MED16: variants seen among roughly 807,000 people sequenced by gnomAD.
The protein encoded by MED16 is mediator complex subunit 16.
A neutral mutation model predicts 84.4 loss-of-function variants in MED16; 81 were observed. The ratio of observed to expected loss-of-function variants is 0.96; its 90% CI spans 0.80 to 1.15. MED16 has a LOEUF of 1.15. MED16 is among the 50% of genes most tolerant of loss of function. MED16 has a pLI of 0.00. For missense variants in MED16, 1,585 were observed against 1,245.9 expected, an observed-to-expected ratio of 1.27 and a Z score of -4.10; for synonymous variants, 897 against 552.2, an observed-to-expected ratio of 1.62 and a Z score of -8.76.
intron 1 of MED16, chr19:892,590 C>G (rs1175297344): frequency 6.6e-6 from 1 of 150,668 alleles, no homozygotes; most frequent in African/African-American, 2.5e-5. Context: ...TCCCAGGGAC[C>G]CCCTACCCTC....
At position 868,238 on chromosome 19, in the gene MED16, G is replaced by A. The variant is rs372311899; in HGVS notation, c.2497C>T (p.Arg833Cys). ...WIKNCLAVEG[R>C]GPDACVTSRA... ...CTGGTCACGCAGGCGTCCGGCCCAC[G>A]GCCTTCAACAGCCCTGCAGGGCGGG... Residue 833 changes from arginine (R) to cysteine (C), a missense_variant, in exon 16 of 16, where the codon CGT becomes TGT. Transcript: ENST00000325464. The A allele has an allele frequency of 1.1e-4, 177 of 1,596,008 alleles. No individual in the cohort carries two copies. Among genetic ancestry groups the A allele is most frequent in the South Asian group, 5.8e-4 (52 of 89,284 alleles).
chr19:873,341 C>G (rs1651889), intron 11 of MED16, 108 bp downstream of exon 11: 14,320 of 357,736 alleles, frequency 0.04, 590 homozygotes, highest in African/African-American at 0.14. Flanking sequence ...GGGACTCCAA[C>G]TAGGGGCGGG....
In MED16 at chr19:877,044, G is replaced by T; in HGVS notation, c.1490C>A (p.Pro497His). ...CTCCACCAGGCTCTGTACCATACTGGGCTGCACGTGCAGCAGGATGTCCCA... is the reference window on the plus strand; with the variant it reads ...CTCCACCAGGCTCTGTACCATACTGTGCTGCACGTGCAGCAGGATGTCCCA... ...DWWDILLHVQPSMVQSLVEKL... is the reference protein window; with the variant it reads ...DWWDILLHVQHSMVQSLVEKL... Residue 497 changes from proline (P) to histidine (H), a missense_variant, in exon 9 of 16, where the codon CCC becomes CAC. Pro to His is a moderately conservative substitution (Grantham distance 77). Transcript: ENST00000325464. 1 of 1,612,594 alleles carries T rather than the reference G, an allele frequency of 6.2e-7. No individual in the cohort carries two copies. Among genetic ancestry groups the T allele is most frequent in the Non-Finnish European group, 8.5e-7 (1 of 1,179,904 alleles).
rs749981319 is a variant in MED16, at chr19:885,736, C to T, written c.879+34G>A. 40 of 1,591,772 alleles carry T rather than the reference C, an allele frequency of 2.5e-5. No individual in the cohort carries two copies. In the Admixed American group the frequency reaches 6.5e-4, roughly 26 times the overall value. ...TGAGAAGCAGTGCTTCATTCCAAGC[C>T]TGCCAGCCCACGTGATGGCCTGCGC... On this transcript the variant is annotated intron_variant, in intron 5 of 15. Coordinates refer to ENST00000325464, the MANE Select transcript of MED16 (RefSeq NM_005481.3).
chr19:881,461 T>C (rs367975481), intron 7 of MED16, 98 bp downstream of exon 7: 2 of 1,407,844 alleles, frequency 1.4e-6, no homozygotes, highest in African/African-American at 2.8e-5. Flanking sequence ...GCCCACGTCC[T>C]CTGGTGTGAG....
intron 2 of MED16, 70 bp from the exon 3 acceptor site, chr19:890,314 AG>A: frequency 5.3e-6 from 6 of 1,127,450 alleles, no homozygotes; most frequent in Non-Finnish European, 6.2e-6. Flanking sequence ...GACTCCAGGC[AG>A]GCTCCAGGTA....
At chr19:872,718 G>A (rs1017584377) in intron 11 of MED16, among the ~76,000 whole-genome samples, 2 of 151,758 alleles carry the variant, frequency 1.3e-5, no homozygotes, top group Admixed American at 6.6e-5. Context: ...GAAGGTGGAG[G>A]TGTGGATGGA....
intron 6 of MED16, among the ~76,000 whole-genome samples, chr19:884,336 C>T (rs1162036621): frequency 6.6e-6 from 1 of 151,766 alleles, no homozygotes; most frequent in Admixed American, 6.6e-5. Flanking sequence ...GTGGGGATGA[C>T]GGGCTTGGCT....
rs748019398 is a variant in MED16 at position 890,260 on chromosome 19, A to G, written c.170-16T>C. 4.0e-6 allele frequency: 6 copies of G among 1,511,054 alleles called. No homozygotes were observed. The highest frequency in any genetic ancestry group is 5.4e-6 in the Non-Finnish European group (6 of 1,121,282). 93.6% of individuals were successfully genotyped at this position (1,511,054 alleles called of 1,614,324 possible). A position where few individuals can be genotyped will look rare whatever the true frequency, so the allele number is the denominator to read the frequency against. ...CGGGTCAGGTCTGTGGGGACGGGGC[A>G]TGGTCAGCACGGCCTGGCACCACAG... On this transcript the variant is annotated splice_polypyrimidine_tract_variant and intron_variant, in intron 2 of 15. Coordinates refer to ENST00000325464, the MANE Select transcript of MED16 (RefSeq NM_005481.3).
chr19:879,275 G>GCCCACCAGC (rs2036352306), intron 8 of MED16, among the ~76,000 whole-genome samples: 1 of 82,172 alleles, frequency 1.2e-5, no homozygotes, highest in African/African-American at 5.0e-5. Context: ...GGTTGTCAAT[G>GCCCACCAGC]CCCAGCAGCT....
At position 889,637 on chromosome 19, in the gene MED16, C is replaced by A; in HGVS notation, c.447+1G>T. 2.5e-6 allele frequency: 4 copies of A among 1,608,586 alleles called. No individual in the cohort carries two copies. Among genetic ancestry groups the A allele is most frequent in the Non-Finnish European group, 3.4e-6 (4 of 1,175,816 alleles). Reference sequence around the variant, plus strand: ...TCCGCTCACTCGGGCAGGACACTCACCTTCTCCACGTGCAGGGCCAGTTTC... The same window carrying A: ...TCCGCTCACTCGGGCAGGACACTCAACTTCTCCACGTGCAGGGCCAGTTTC... On this transcript the variant is annotated splice_donor_variant, in intron 4 of 15. Transcript: ENST00000325464. LOFTEE classifies it high-confidence loss of function.
chr19:868,340 G>GGTAGCTGAGGA (rs3217342), intron 15 of MED16, 76 bp downstream of exon 15: 55,539 of 1,591,210 alleles, frequency 0.035, 1,099 homozygotes, highest in Middle Eastern at 0.087. Context: ...GCAGCTGAGG[G>GGTAGCTGAGGA]GTAGCTGAGG....
intron 2 of MED16, 50 bp downstream of exon 2, chr19:890,913 G>C (rs772493085): frequency 1.3e-6 from 2 of 1,592,594 alleles, no homozygotes; most frequent in Non-Finnish European, 1.7e-6. Flanking sequence ...TGGGGAACAG[G>C]GCGGGACACC....
intron 6 of MED16, among the ~76,000 whole-genome samples, chr19:883,523 C>T (rs989144225): frequency 9.9e-5 from 15 of 151,818 alleles, no homozygotes; most frequent in Non-Finnish European, 1.0e-4. Context: ...GAGATGGGTG[C>T]GGTGGGGACT....
chr19:881,796 G>C, intron 6 of MED16, 82 bp from the exon 7 acceptor site: 3 of 1,505,484 alleles, frequency 2.0e-6, no homozygotes, highest in Non-Finnish European at 1.8e-6. Context: ...GCATGGCCTG[G>C]TGTGCAACCT....
In MED16 at chr19:885,935, G is replaced by C. The variant is rs776143249; in HGVS notation, c.714C>G (p.Pro238=). The C allele has an allele frequency of 6.2e-7, 1 of 1,613,042 alleles. No homozygotes were observed. Among genetic ancestry groups the C allele is most frequent in the African/African-American group, 1.3e-5 (1 of 75,054 alleles). The part of the protein sequence containing the change: ...VATADGSSAS[P]VQFYKVCVSV... ...TCACGCACACCTTGTAGAACTGCAC[G>C]GGCGACGCGCTGCTGCCGTCCGCCG... The change falls in exon 5 of 16, where the codon CCC becomes CCG. Residue 238 remains proline (P), a synonymous_variant. Transcript: ENST00000325464.
At chr19:868,653 T>C (rs558198820) in intron 14 of MED16, among the ~76,000 whole-genome samples, 154 bp from the exon 15 acceptor site, 2 of 151,904 alleles carry the variant, frequency 1.3e-5, no homozygotes, top group Non-Finnish European at 2.9e-5. Context: ...TGCCCATGCT[T>C]CTCCTCCCCC....
chr19:873,212 G>C (rs1054452764), intron 11 of MED16: 1 of 617,494 alleles, frequency 1.6e-6, no homozygotes, highest in Non-Finnish European at 2.7e-6. Context: ...GGTTTAAGAA[G>C]AGACAGACTC....
At chr19:869,757 C>T (rs1209671412) in intron 13 of MED16, among the ~76,000 whole-genome samples, 1 of 152,212 alleles carries the variant, frequency 6.6e-6, no homozygotes. Context: ...TTTTGCTCAT[C>T]TGTGTTTTCT....
Sources: gnomAD v4.1 joint callset for allele counts (sites outside exome capture counted in the v4.1 genomes callset) on GRCh38, gnomAD v4.1.1 for gene constraint, MANE v1.5 for transcripts, NCBI Gene and HGNC (gene_info 2026-07-23, HGNC 2026-07-21) for gene names.